The following KIRREL3 variants were observed in gnomAD, a reference collection of about 807,000 sequenced individuals.
KIRREL3 encodes kirre like nephrin family adhesion molecule 3.
A neutral mutation model predicts 89.7 loss-of-function variants in KIRREL3; 36 were observed. That is an observed-to-expected ratio of 0.40 (90% CI 0.31 to 0.53). KIRREL3 has a LOEUF of 0.53. KIRREL3 is among the 20% of genes least tolerant of loss of function. KIRREL3 has a pLI of 0.49. For missense variants in KIRREL3, 864 were observed against 1,056.6 expected, an observed-to-expected ratio of 0.82 and a Z score of 2.53; for synonymous variants, 445 against 441.4, an observed-to-expected ratio of 1.01 and a Z score of -0.10.
intron 1 of KIRREL3, among the ~76,000 whole-genome samples, chr11:126,964,147 C>G (rs189776277): frequency 1.3e-5 from 2 of 152,268 alleles, no homozygotes; most frequent in East Asian, 3.9e-4. Flanking sequence ...TCAGTAGTTT[C>G]TTAATAAATA....
In KIRREL3 at chr11:126,513,235, G is replaced by A. The variant is rs1465057257; in HGVS notation, c.433+8080C>T. ...CCTCCCCAGCTTCCCTTGTCCTGGTGTTGGGAGCAAAAGATGCTGGGGGGT... is the reference window on the plus strand; with the variant it reads ...CCTCCCCAGCTTCCCTTGTCCTGGTATTGGGAGCAAAAGATGCTGGGGGGT... On this transcript the variant is annotated intron_variant, in intron 4 of 16. Transcript: ENST00000525144. This position sits in a 1 kb window ranked among gnomAD's most constrained non-coding sequence, Gnocchi z 5.9. Among the ~76,000 whole-genome samples, 1 of 152,160 alleles carries A rather than the reference G, an allele frequency of 6.6e-6. No individual in the cohort carries two copies. The highest frequency in any genetic ancestry group is 1.9e-4 in the East Asian group (1 of 5,190).
In KIRREL3 at chr11:126,477,006, G is replaced by T. The variant is rs1422067582; in HGVS notation, c.434-3540C>A. Among the ~76,000 whole-genome samples the T allele has an allele frequency of 6.6e-6, 1 of 152,250 alleles. No homozygotes were observed. The highest frequency in any genetic ancestry group is 1.5e-5 in the Non-Finnish European group (1 of 68,038). On this transcript the variant is annotated intron_variant, in intron 4 of 16. Transcript: ENST00000525144. This position sits in a 1 kb window ranked among gnomAD's most constrained non-coding sequence, Gnocchi z 4.8. ...AAATAGTTGACTGTTTTGGTGTTGT[G>T]CTTGTTGTCAGTCAGGAAAAAAATG...
intron 4 of KIRREL3, among the ~76,000 whole-genome samples, chr11:126,509,543 CTG>C (rs1263223902): frequency 6.6e-6 from 1 of 152,216 alleles, no homozygotes; most frequent in African/African-American, 2.4e-5. Context: ...CCCAGCCATT[CTG>C]TGTGTGTTCA....
Position 126,830,691 on chromosome 11 carries a change from C to T in KIRREL3, c.55+169764G>A, listed in dbSNP as rs1943576826. Among the ~76,000 whole-genome samples, 1 of 152,176 alleles carries T rather than the reference C, an allele frequency of 6.6e-6. No individual in the cohort carries two copies. The highest frequency in any genetic ancestry group is 1.5e-5 in the Non-Finnish European group (1 of 68,044). ...CCAGACGCATTCATTGTCTAACTGC[C>T]TGGATGCAAAACTAACTTAGCATAG... On this transcript the variant is annotated intron_variant, in intron 1 of 16. Transcript: ENST00000525144. This position sits in a 1 kb window ranked among gnomAD's most constrained non-coding sequence, Gnocchi z 4.9.
At chr11:126,470,286 T>A (rs1014339021) in intron 5 of KIRREL3, among the ~76,000 whole-genome samples, 1 of 152,216 alleles carries the variant, frequency 6.6e-6, no homozygotes, top group African/African-American at 2.4e-5. Context: ...TCCTTCCTTT[T>A]CATTCTCCTC....
At position 126,525,345 on chromosome 11, in the gene KIRREL3, C is replaced by T. The variant is rs772070057; in HGVS notation, c.283+1193G>A. On this transcript the variant is annotated intron_variant, in intron 3 of 16. Coordinates refer to ENST00000525144, the MANE Select transcript of KIRREL3 (RefSeq NM_032531.4). This position sits in a 1 kb window ranked among gnomAD's most constrained non-coding sequence, Gnocchi z 5.4. ...TCCTGGAGTTTCTCTAGGGTAAAGGCGTTCGGAGTCTCTGAAATTGGCTGG... is the reference window on the plus strand; with the variant it reads ...TCCTGGAGTTTCTCTAGGGTAAAGGTGTTCGGAGTCTCTGAAATTGGCTGG... Among the ~76,000 whole-genome samples the T allele has an allele frequency of 5.9e-5, 9 of 152,128 alleles. No homozygotes were observed. Among genetic ancestry groups the T allele is most frequent in the East Asian group, 1.9e-4 (1 of 5,184 alleles).
chr11:126,468,079 G>A (rs999588646), intron 5 of KIRREL3, among the ~76,000 whole-genome samples: 9 of 152,208 alleles, frequency 5.9e-5, no homozygotes, highest in Non-Finnish European at 1.2e-4. Context: ...ACGACTGTGC[G>A]TGCTAAGACC....
At chr11:126,880,680 A>G (rs970266873) in intron 1 of KIRREL3, among the ~76,000 whole-genome samples, 5 of 150,224 alleles carry the variant, frequency 3.3e-5, no homozygotes, top group African/African-American at 7.3e-5. Flanking sequence ...AATGCACTGC[A>G]TGTTTACACT....
chr11:126,560,970 T>C (rs1940076411), intron 2 of KIRREL3, among the ~76,000 whole-genome samples: 1 of 152,252 alleles, frequency 6.6e-6, no homozygotes, highest in Non-Finnish European at 1.5e-5. Flanking sequence ...AAATTATAAT[T>C]ATTTTGAGTA....
Position 126,513,020 on chromosome 11 carries a change from G to A in KIRREL3, c.433+8295C>T, listed in dbSNP as rs1958275731. 6.6e-6 allele frequency among the ~76,000 whole-genome samples: 1 copy of A among 152,104 alleles called. No homozygotes were observed. The highest frequency in any genetic ancestry group is 2.4e-5 in the African/African-American group (1 of 41,410). ...GAATGCGTCCCAGCTCCCCAGTGAGGGCCGTTTGTCCTGCTTGGGTCTGGA... is the reference window on the plus strand; with the variant it reads ...GAATGCGTCCCAGCTCCCCAGTGAGAGCCGTTTGTCCTGCTTGGGTCTGGA... On this transcript the variant is annotated intron_variant, in intron 4 of 16. Transcript: ENST00000525144. This position sits in a 1 kb window ranked among gnomAD's most constrained non-coding sequence, Gnocchi z 5.9.
At chr11:126,435,541 G>T (rs930722020) in intron 12 of KIRREL3, among the ~76,000 whole-genome samples, 2 of 151,452 alleles carry the variant, frequency 1.3e-5, no homozygotes, top group African/African-American at 4.9e-5. Flanking sequence ...GGTCTGGGAG[G>T]GTTGGGGTGA....
Position 126,477,184 on chromosome 11 carries a change from CATTG to C in KIRREL3, c.434-3722_434-3719del. Among the ~76,000 whole-genome samples the C allele has an allele frequency of 6.6e-6, 1 of 152,306 alleles. No individual in the cohort carries two copies. Among genetic ancestry groups the C allele is most frequent in the East Asian group, 1.9e-4 (1 of 5,178 alleles). ...TCCTGCACCCAGCTGGCTCCTGGGG[CATTG>C]ATTATGAAAGAAACACATCATCGCG... On this transcript the variant is annotated intron_variant, in intron 4 of 16. Transcript: ENST00000525144. The surrounding 1 kb of genome is among the most constrained non-coding windows in gnomAD (Gnocchi z 4.8).
At position 126,891,502 on chromosome 11, in the gene KIRREL3, T is replaced by C. The variant is rs1945920710; in HGVS notation, c.55+108953A>G. Among the ~76,000 whole-genome samples the C allele has an allele frequency of 6.6e-6, 1 of 152,190 alleles. No individual in the cohort carries two copies. Among genetic ancestry groups the C allele is most frequent in the Non-Finnish European group, 1.5e-5 (1 of 68,036 alleles). ...GCAAAGTGGCTGTCTTTGAGAGCGC[T>C]CCACAGTCCCTGCCATGGATGGATT... On this transcript the variant is annotated intron_variant, in intron 1 of 16. Transcript: ENST00000525144. This position sits in a 1 kb window ranked among gnomAD's most constrained non-coding sequence, Gnocchi z 5.1.
Position 126,555,489 on chromosome 11 carries a change from GC to G in KIRREL3, c.133+7345del, listed in dbSNP as rs1939634033. Among the ~76,000 whole-genome samples the G allele has an allele frequency of 6.6e-6, 1 of 152,184 alleles. No individual in the cohort carries two copies. The highest frequency in any genetic ancestry group is 2.1e-4 in the South Asian group (1 of 4,826). ...ATGGGTCAGTGGAGGCATCACTGGA[GC>G]AGAGACTTGAGCTGTGATTTGAAGG... On this transcript the variant is annotated intron_variant, in intron 2 of 16. Coordinates refer to ENST00000525144, the MANE Select transcript of KIRREL3 (RefSeq NM_032531.4). This position sits in a 1 kb window ranked among gnomAD's most constrained non-coding sequence, Gnocchi z 4.2.
rs1945065921 is a variant in KIRREL3 at position 126,870,288 on chromosome 11, G to A, written c.55+130167C>T. Among the ~76,000 whole-genome samples, 2 of 152,216 alleles carry A rather than the reference G, an allele frequency of 1.3e-5. No homozygotes were observed. Reference sequence around the variant, plus strand: ...AAGATGCCAGGGCTGCCTGTGCCATGTACTGCAAGACAGCTGGGATTGTCA... The same window carrying A: ...AAGATGCCAGGGCTGCCTGTGCCATATACTGCAAGACAGCTGGGATTGTCA... On this transcript the variant is annotated intron_variant, in intron 1 of 16. Transcript: ENST00000525144. The surrounding 1 kb of genome is among the most constrained non-coding windows in gnomAD (Gnocchi z 4.4).
intron 1 of KIRREL3, among the ~76,000 whole-genome samples, chr11:126,595,061 G>C (rs1942331336): frequency 6.6e-6 from 1 of 152,252 alleles, no homozygotes. Flanking sequence ...CCGTGGCACT[G>C]TTTCCATGCA....
rs1044322581 is a variant in KIRREL3 at position 126,551,090 on chromosome 11, T to A, written c.133+11745A>T. ...ACTTACCTATGTTTACAGTTTATTC[T>A]AAAGGATATTACAAAGAATACAGAT... On this transcript the variant is annotated intron_variant, in intron 2 of 16. Transcript: ENST00000525144. The surrounding 1 kb of genome is among the most constrained non-coding windows in gnomAD (Gnocchi z 4.9). Among the ~76,000 whole-genome samples, 1 of 152,122 alleles carries A rather than the reference T, an allele frequency of 6.6e-6. No individual in the cohort carries two copies. The highest frequency in any genetic ancestry group is 2.4e-5 in the African/African-American group (1 of 41,430).
At chr11:126,857,185 C>T (rs908607655) in intron 1 of KIRREL3, among the ~76,000 whole-genome samples, 31 of 152,258 alleles carry the variant, frequency 2.0e-4, no homozygotes, top group African/African-American at 5.8e-4. Flanking sequence ...AGCACACGAT[C>T]GATGCTCCTC....
rs138583624 is a variant in KIRREL3 at position 126,948,291 on chromosome 11, T to TAA, written c.55+52162_55+52163dup. On this transcript the variant is annotated intron_variant, in intron 1 of 16. Transcript: ENST00000525144. This position sits in a 1 kb window ranked among gnomAD's most constrained non-coding sequence, Gnocchi z 4.5. ...AGTTGGTCAAATTTCAAGAATAGCA[T>TAA]AAAAAAAAAACCTCTTTGGCCTGAA... Among the ~76,000 whole-genome samples the TAA allele has an allele frequency of 3.4e-5, 5 of 149,000 alleles. No individual in the cohort carries two copies. The highest frequency in any genetic ancestry group is 5.9e-5 in the Non-Finnish European group (4 of 67,230).
Sources: allele counts gnomAD v4.1 joint callset (sites outside exome capture counted in the v4.1 genomes callset), GRCh38; gene constraint gnomAD v4.1.1; non-coding constraint Gnocchi (gnomAD v3.1); transcripts MANE v1.5; gene names NCBI Gene and HGNC (gene_info 2026-07-23, HGNC 2026-07-21).